The following BRAF variants were observed in gnomAD, a reference collection of about 807,000 sequenced individuals.
BRAF encodes the protein serine/threonine-protein kinase B-raf.
In BRAF, 16 loss-of-function variants were observed where a neutral mutation model predicts 104.6. The observed-to-expected ratio is 0.15, with a 90% CI of 0.10 to 0.23. The LOEUF (loss-of-function observed/expected upper bound fraction) is 0.23, where lower values mean the gene tolerates loss of function less well. BRAF is among the 10% of genes least tolerant of loss of function. The probability of loss-of-function intolerance (pLI) is 1.00; values close to 1 mark genes in which losing one functional copy is unlikely to be tolerated. For missense variants in BRAF, 541 were observed against 937.3 expected (o/e 0.58, Z 5.52); for synonymous variants, 310 against 341.6 (o/e 0.91, Z 1.02).
intron 1 of BRAF, among the ~76,000 whole-genome samples, chr7:140,899,709 A>G (rs554136073): frequency 2.1e-4 from 32 of 152,026 alleles, no homozygotes; most frequent in Non-Finnish European, 4.4e-4. Context: ...TTTGTCTTAG[A>G]AATCTATAGG....
At chr7:140,827,472 TA>T (rs200247583) in intron 3 of BRAF, among the ~76,000 whole-genome samples, 1 of 152,170 alleles carries the variant, frequency 6.6e-6, no homozygotes, top group African/African-American at 2.4e-5. Context: ...GGTCCATAGT[TA>T]AAAAATCACA....
intron 3 of BRAF, among the ~76,000 whole-genome samples, chr7:140,819,281 T>G (rs941925285): frequency 6.6e-6 from 1 of 152,174 alleles, no homozygotes; most frequent in African/African-American, 2.4e-5. Context: ...CACAAAAAGA[T>G]GCTTCACATT....
At chr7:140,864,029 T>C (rs1203690111) in intron 1 of BRAF, among the ~76,000 whole-genome samples, 6 of 152,220 alleles carry the variant, frequency 3.9e-5, no homozygotes. Context: ...GCTAGTAAAT[T>C]CTAGACAATA....
intron 3 of BRAF, among the ~76,000 whole-genome samples, chr7:140,829,294 ACTC>A (rs1806441036): frequency 6.7e-6 from 1 of 149,670 alleles, no homozygotes; most frequent in Non-Finnish European, 1.5e-5. Flanking sequence ...AGTGACCTCA[ACTC>A]CTAGATTTTA....
At chr7:140,776,880 A>C (rs1800382335) in intron 14 of BRAF, 32 bp downstream of exon 13, 1 of 1,596,952 alleles carries the variant, frequency 6.3e-7, no homozygotes, top group Non-Finnish European at 8.6e-7. Flanking sequence ...CTTCAAAAAT[A>C]ATTTACAAGA....
At chr7:140,892,539 A>T (rs1027635270) in intron 1 of BRAF, among the ~76,000 whole-genome samples, 1 of 152,238 alleles carries the variant, frequency 6.6e-6, no homozygotes, top group Non-Finnish European at 1.5e-5. Context: ...CCAAAATTGT[A>T]AACTATGGAA....
chr7:140,903,627 G>A (rs1465017710), intron 1 of BRAF, among the ~76,000 whole-genome samples: 2 of 152,118 alleles, frequency 1.3e-5, no homozygotes, highest in South Asian at 2.1e-4. Flanking sequence ...ACCTTTCATT[G>A]GGCTATAGCC....
Position 140,720,023 on chromosome 7 carries a change from C to T in BRAF, c.*6471G>A. 2 of 1,061,792 alleles carry T rather than the reference C, an allele frequency of 1.9e-6. No individual in the cohort carries two copies. The highest frequency in any genetic ancestry group is 1.6e-5 in the African/African-American group (1 of 60,960). The allele number at this position is 1,061,792 out of a possible 1,614,324, so 65.8% of individuals were successfully genotyped here. A position where few individuals can be genotyped will look rare whatever the true frequency, so the allele number is the denominator to read the frequency against. Reference sequence around the variant, plus strand: ...CCTTACAGGAGTCATGTCCTCAAACCAAGGAATACATGAAAAGGGGGGATT... The same window carrying T: ...CCTTACAGGAGTCATGTCCTCAAACTAAGGAATACATGAAAAGGGGGGATT... On this transcript the variant is annotated 3_prime_UTR_variant, in exon 20 of 20. Transcript: ENST00000644969.
rs192329429 is a variant in BRAF, at chr7:140,747,359, G to C, written c.2112+1928C>G. 2.7e-4 allele frequency: 344 copies of C among 1,261,858 alleles called. 1 individual carries two copies. In the African/African-American group the frequency reaches 4.8e-3, roughly 18 times the overall value. The allele number at this position is 1,261,858 out of a possible 1,614,324, so 78.2% of individuals were successfully genotyped here. A position where few individuals can be genotyped will look rare whatever the true frequency, so the allele number is the denominator to read the frequency against. On this transcript the variant is annotated intron_variant, in intron 17 of 19. Transcript: ENST00000644969. ...TATTAGAAAGAATTAACTAGTAAAG[G>C]CCTTACCCTTCTGTTGGTCACACAT...
intron 17 of BRAF, among the ~76,000 whole-genome samples, chr7:140,747,840 G>A (rs1300531706): frequency 1.3e-5 from 2 of 152,132 alleles, no homozygotes; most frequent in African/African-American, 4.8e-5. Flanking sequence ...TCTATCACAA[G>A]TACAGTAAGT....
chr7:140,716,294 G>T (rs560540399), downstream of BRAF, among the ~76,000 whole-genome samples: 1 of 152,284 alleles, frequency 6.6e-6, no homozygotes, highest in Non-Finnish European at 1.5e-5. Flanking sequence ...TGCTTGCTAT[G>T]AGTTTGGGCA....
chr7:140,781,784 G>A (rs2129024203), intron 11 of BRAF, 91 bp from the exon 11 acceptor site: 1 of 1,023,850 alleles, frequency 9.8e-7, no homozygotes, highest in South Asian at 1.3e-5. Flanking sequence ...ATGCCTGAGA[G>A]GGATACAGGA....
intron 17 of BRAF, among the ~76,000 whole-genome samples, chr7:140,742,852 C>T (rs1037748233): frequency 6.6e-6 from 1 of 151,626 alleles, no homozygotes; most frequent in Non-Finnish European, 1.5e-5. Flanking sequence ...CCAGAATCTA[C>T]AATGAACTCA....
intron 14 of BRAF, among the ~76,000 whole-genome samples, chr7:140,765,562 C>T (rs896234886): frequency 7.3e-5 from 11 of 151,656 alleles, no homozygotes; most frequent in Non-Finnish European, 1.6e-4. Flanking sequence ...TGACAAAGGG[C>T]TAATATCCAG....
downstream of BRAF, among the ~76,000 whole-genome samples, chr7:140,717,457 A>C (rs1354508570): frequency 1.3e-5 from 2 of 151,964 alleles, no homozygotes; most frequent in Non-Finnish European, 2.9e-5. Context: ...TTTTTTGGCC[A>C]GGCTGGTCTG....
chr7:140,726,857 T>C (rs1471343382), intron 19 of BRAF, among the ~76,000 whole-genome samples: 1 of 152,226 alleles, frequency 6.6e-6, no homozygotes, highest in Non-Finnish European at 1.5e-5. Flanking sequence ...TGTAGAATAC[T>C]TCCACCTCTG....
intron 1 of BRAF, among the ~76,000 whole-genome samples, chr7:140,894,292 T>G (rs746779394): frequency 1.3e-5 from 2 of 152,122 alleles, no homozygotes; most frequent in Non-Finnish European, 1.5e-5. Context: ...AAAACAGAAC[T>G]ACTTGATAGG....
chr7:140,729,935 C>G (rs1040480394), intron 19 of BRAF, among the ~76,000 whole-genome samples: 14 of 152,280 alleles, frequency 9.2e-5, no homozygotes, highest in Non-Finnish European at 1.6e-4. Flanking sequence ...AAAGCAAACA[C>G]TATCACTCTA....
chr7:140,750,159 G>A (rs572267196), intron 16 of BRAF, among the ~76,000 whole-genome samples: 19 of 152,248 alleles, frequency 1.2e-4, no homozygotes, highest in Non-Finnish European at 2.5e-4. Context: ...TTAATTATTA[G>A]CTTAAAAGAG....
Sources: gnomAD v4.1 joint callset for allele counts (sites outside exome capture counted in the v4.1 genomes callset) on GRCh38, gnomAD v4.1.1 for gene constraint, MANE v1.5 for transcripts, NCBI Gene and HGNC (gene_info 2026-07-23, HGNC 2026-07-21) for gene names.